UHRF2: variants seen among roughly 807,000 people sequenced by gnomAD.
The protein encoded by UHRF2 is E3 ubiquitin-protein ligase UHRF2.
Under a neutral mutation model 96.8 loss-of-function variants are expected in UHRF2, and 23 were observed. The ratio of observed to expected loss-of-function variants is 0.24; its 90% CI spans 0.17 to 0.34. The LOEUF is 0.34. Among genes scored for constraint, UHRF2 ranks in the 10% least tolerant of loss-of-function variants. The probability of loss-of-function intolerance (pLI) is 1.00; values close to 1 mark genes in which losing one functional copy is unlikely to be tolerated. For synonymous variants in UHRF2, 385 were observed against 332.6 expected (o/e 1.16, Z -1.72); for missense variants, 685 against 981.5 (o/e 0.70, Z 4.04).
chr9:6,499,827 C>T lies in UHRF2; in HGVS notation c.1909-8C>T, dbSNP rs369586401. 2.6e-5 allele frequency: 42 copies of T among 1,595,536 alleles called. No individual in the cohort carries two copies. The highest frequency in any genetic ancestry group is 1.7e-4 in the Middle Eastern group (1 of 5,966). Reference sequence around the variant, plus strand: ...TGCATTGTACTCTCCCTCCTCCCCCCCCATCAGTATCCAGCAGGTTACCCT... The same window carrying T: ...TGCATTGTACTCTCCCTCCTCCCCCTCCATCAGTATCCAGCAGGTTACCCT... On this transcript the variant is annotated splice_region_variant and splice_polypyrimidine_tract_variant and intron_variant, in intron 12 of 15. Transcript: ENST00000276893.
intron 3 of UHRF2, among the ~76,000 whole-genome samples, chr9:6,437,223 G>T (rs532195350): frequency 6.6e-6 from 1 of 152,078 alleles, no homozygotes; most frequent in South Asian, 2.1e-4. Flanking sequence ...GTAATAAGCA[G>T]ATTTTTTATT....
At chr9:6,426,543 A>G (rs765376544) in intron 2 of UHRF2, among the ~76,000 whole-genome samples, 11 of 152,196 alleles carry the variant, frequency 7.2e-5, no homozygotes, top group Non-Finnish European at 1.5e-4. Context: ...AGTAATTGTC[A>G]TAGGTATTTG....
chr9:6,413,690 G>A, intron 1 of UHRF2, 47 bp downstream of exon 1: 1 of 1,495,796 alleles, frequency 6.7e-7, no homozygotes, highest in African/African-American at 1.4e-5. Flanking sequence ...GGCCGGAACA[G>A]CTGGGCTCCT....
chr9:6,449,191 C>G (rs557181243), intron 3 of UHRF2: 1 of 152,170 alleles, frequency 6.6e-6, no homozygotes, highest in African/African-American at 2.4e-5. Context: ...GTTAGCTGAT[C>G]GTCTTCAACT....
chr9:6,496,128 A>G (rs931565747), intron 10 of UHRF2: 1 of 152,130 alleles, frequency 6.6e-6, no homozygotes, highest in African/African-American at 2.4e-5. Context: ...TTTCTTTTCA[A>G]TAGGTTAGTC....
intron 3 of UHRF2, among the ~76,000 whole-genome samples, chr9:6,455,187 G>A (rs1306600733): frequency 6.6e-6 from 1 of 152,122 alleles, no homozygotes; most frequent in Non-Finnish European, 1.5e-5. Flanking sequence ...TGTGCACAAC[G>A]AGCTCGTTTG....
At position 6,423,763 on chromosome 9, in the gene UHRF2, G is replaced by C. The variant is rs544746234; in HGVS notation, c.384+2621G>C. On this transcript the variant is annotated intron_variant, in intron 2 of 15. Coordinates refer to ENST00000276893, the MANE Select transcript of UHRF2 (RefSeq NM_152896.3). ...GTTCAAGACCAGCCTGGCCAAGATG[G>C]TGAAACCCCGTCTCCACTAAAAATA... Among the ~76,000 whole-genome samples, 11 of 151,960 alleles carry C rather than the reference G, an allele frequency of 7.2e-5. No individual in the cohort carries two copies. The East Asian group carries it at 1.9e-3, about 27-fold the overall frequency.
chr9:6,469,720 A>G (rs544325781), intron 4 of UHRF2, among the ~76,000 whole-genome samples: 1 of 150,656 alleles, frequency 6.6e-6, no homozygotes, highest in Non-Finnish European at 1.5e-5. Context: ...ACACACATAT[A>G]TGTGCATATA....
At chr9:6,455,864 G>GC (rs1404400007) in intron 3 of UHRF2, among the ~76,000 whole-genome samples, 3 of 152,126 alleles carry the variant, frequency 2.0e-5, no homozygotes, top group Non-Finnish European at 4.4e-5. Flanking sequence ...TGCGTCTGTA[G>GC]CCCCCGCTTC....
intron 10 of UHRF2, chr9:6,496,877 C>G (rs1042337991): frequency 2.1e-5 from 4 of 194,338 alleles, no homozygotes; most frequent in Non-Finnish European, 4.2e-5. Context: ...TCTCCCTTCC[C>G]CCAACAAACG....
intron 1 of UHRF2, among the ~76,000 whole-genome samples, chr9:6,418,002 T>C (rs1819711136): frequency 6.6e-6 from 1 of 152,220 alleles, no homozygotes; most frequent in South Asian, 2.1e-4. Context: ...GGAAATATGC[T>C]ACTAGTTAAT....
intron 2 of UHRF2, among the ~76,000 whole-genome samples, chr9:6,433,074 C>G (rs1406423180): frequency 6.6e-6 from 1 of 152,200 alleles, no homozygotes; most frequent in Admixed American, 6.5e-5. Context: ...CTCAAGTGAT[C>G]TGCCCCTGCC....
intron 15 of UHRF2, 63 bp downstream of exon 15, chr9:6,504,754 G>GTT: frequency 7.6e-7 from 1 of 1,309,734 alleles, no homozygotes; most frequent in Non-Finnish European, 1.1e-6. Flanking sequence ...TTCTATACCT[G>GTT]TTTTTAGCAT....
At chr9:6,482,742 G>A (rs889289550) in intron 8 of UHRF2, among the ~76,000 whole-genome samples, 1 of 151,976 alleles carries the variant, frequency 6.6e-6, no homozygotes, top group Admixed American at 6.5e-5. Flanking sequence ...GACTACAGGC[G>A]CCTGCCACCA....
chr9:6,460,880 A>C, intron 4 of UHRF2, 89 bp downstream of exon 4: 2 of 1,025,464 alleles, frequency 2.0e-6, no homozygotes, highest in Non-Finnish European at 2.7e-6. Context: ...CTTAGTAAAA[A>C]AAGATGGAGT....
rs1819397967 is a variant in UHRF2 at position 6,413,337 on chromosome 9, C to T, written c.-154C>T. 7 of 695,476 alleles carry T rather than the reference C, an allele frequency of 1.0e-5. No individual in the cohort carries two copies. In the Admixed American group the frequency reaches 1.6e-4, roughly 15 times the overall value. The allele number at this position is 695,476 out of a possible 1,614,324, so 43.1% of individuals were successfully genotyped here. A position where few individuals can be genotyped will look rare whatever the true frequency, so the allele number is the denominator to read the frequency against. The stretch of plus-strand genomic sequence containing the variant: ...CGCGCGCGCTGAGAGTCGTCGCCGC[C>T]TGTCGGGCCCGGCGTCCGGTCGGTC... On this transcript the variant is annotated 5_prime_UTR_variant, in exon 1 of 16. Coordinates refer to ENST00000276893, the MANE Select transcript of UHRF2 (RefSeq NM_152896.3).
chr9:6,453,017 A>C (rs1374228388), intron 3 of UHRF2, among the ~76,000 whole-genome samples: 3 of 152,076 alleles, frequency 2.0e-5, no homozygotes, highest in Admixed American at 1.3e-4. Flanking sequence ...CAATTGACTT[A>C]CTGTCTCCTT....
chr9:6,419,984 A>G (rs1819833769), intron 1 of UHRF2, among the ~76,000 whole-genome samples: 1 of 152,082 alleles, frequency 6.6e-6, no homozygotes, highest in African/African-American at 2.4e-5. Flanking sequence ...CCTGGGCTCA[A>G]GTGATCCTCC....
At chr9:6,497,526 AC>A (rs1825038787) in intron 11 of UHRF2, among the ~76,000 whole-genome samples, 166 bp downstream of exon 11, 2 of 151,696 alleles carry the variant, frequency 1.3e-5, no homozygotes, top group South Asian at 4.1e-4. Flanking sequence ...TAACTTCAGC[AC>A]TTTACTTTTA....
Sources: gnomAD v4.1 joint callset for allele counts (sites outside exome capture counted in the v4.1 genomes callset) on GRCh38, gnomAD v4.1.1 for gene constraint, MANE v1.5 for transcripts, NCBI Gene and HGNC (gene_info 2026-07-23, HGNC 2026-07-21) for gene names.